PDE5A: variants seen among roughly 807,000 people sequenced by gnomAD.
The protein encoded by PDE5A is cGMP-specific 3',5'-cyclic phosphodiesterase.
A neutral mutation model predicts 110.2 loss-of-function variants in PDE5A; 67 were observed. The observed-to-expected ratio is 0.61, with a 90% CI of 0.50 to 0.75. The LOEUF (loss-of-function observed/expected upper bound fraction) is 0.75, where lower values mean the gene tolerates loss of function less well. PDE5A is among the 30% of genes least tolerant of loss of function. The probability of loss-of-function intolerance (pLI) is 0.00; values close to 1 mark genes in which losing one functional copy is unlikely to be tolerated. For missense variants in PDE5A, 862 were observed against 1,045.1 expected, an observed-to-expected ratio of 0.82 and a Z score of 2.42; for synonymous variants, 328 against 351.2, an observed-to-expected ratio of 0.93 and a Z score of 0.74.
At chr4:119,593,911 C>T (rs1226575979) in intron 3 of PDE5A, among the ~76,000 whole-genome samples, 1 of 151,990 alleles carries the variant, frequency 6.6e-6, no homozygotes, top group Non-Finnish European at 1.5e-5. Flanking sequence ...GGTGTGAGTA[C>T]AAGTAGGGGA....
intron 3 of PDE5A, among the ~76,000 whole-genome samples, chr4:119,580,944 G>A (rs1728566896): frequency 6.6e-6 from 1 of 152,196 alleles, no homozygotes; most frequent in Admixed American, 6.5e-5. Context: ...ATTTAATAAT[G>A]AAGATTTATT....
intron 6 of PDE5A, among the ~76,000 whole-genome samples, chr4:119,561,311 G>T (rs527414689): frequency 6.6e-6 from 1 of 152,064 alleles, no homozygotes; most frequent in African/African-American, 2.4e-5. Flanking sequence ...TCATGTTGTT[G>T]ATGTACTTTT....
intron 10 of PDE5A, among the ~76,000 whole-genome samples, chr4:119,539,815 C>T (rs1726861114): frequency 6.6e-6 from 1 of 152,058 alleles, no homozygotes; most frequent in Non-Finnish European, 1.5e-5. Context: ...GTTGAGCATC[C>T]CAAACCTAAA....
chr4:119,552,592 G>A lies in PDE5A; in HGVS notation c.1354C>T (p.Leu452Phe). Residue 452 changes from leucine (L) to phenylalanine (F), a missense_variant, in exon 9 of 21, where the codon CTT becomes TTT. By Grantham distance (22) the Leu-to-Phe change is conservative. Transcript: ENST00000354960. ...TTTCCATTTTTTATAGGTGTACAAAGCAAACTTCTAATGCACTGCTGGTTT... is the reference window on the plus strand; with the variant it reads ...TTTCCATTTTTTATAGGTGTACAAAACAAACTTCTAATGCACTGCTGGTTT... ...NVNQQCIRSLLCTPIKNGKKN... is the reference protein window; with the variant it reads ...NVNQQCIRSLFCTPIKNGKKN... 6.5e-7 allele frequency: 1 copy of A among 1,549,906 alleles called. No homozygotes were observed. The highest frequency in any genetic ancestry group is 8.7e-7 in the Non-Finnish European group (1 of 1,147,978).
intron 1 of PDE5A, among the ~76,000 whole-genome samples, chr4:119,611,397 C>G (rs1729737718): frequency 6.6e-6 from 1 of 152,170 alleles, no homozygotes; most frequent in Admixed American, 6.5e-5. Flanking sequence ...ATAAATGAAG[C>G]CTCCTGAAGC....
intron 3 of PDE5A, among the ~76,000 whole-genome samples, chr4:119,589,437 G>A (rs1449800569): frequency 6.6e-6 from 1 of 151,170 alleles, no homozygotes; most frequent in Non-Finnish European, 1.5e-5. Context: ...CTGAGCTAGG[G>A]GGAAAGATCT....
intron 9 of PDE5A, among the ~76,000 whole-genome samples, chr4:119,551,380 CA>C (rs1727349480): frequency 6.6e-6 from 1 of 152,132 alleles, no homozygotes; most frequent in Non-Finnish European, 1.5e-5. Context: ...AGAAAGTAAT[CA>C]GTACAAGTTG....
intron 16 of PDE5A, 144 bp downstream of exon 16, chr4:119,507,460 A>T (rs374491277): frequency 1.8e-6 from 1 of 565,832 alleles, no homozygotes; most frequent in African/African-American, 2.0e-5. Context: ...TTTTCTGGCT[A>T]CCCTTTCAGA....
rs1473084028 is a variant in PDE5A, at chr4:119,553,862, C to T, written c.1200-116G>A. On this transcript the variant is annotated intron_variant, in intron 7 of 20. Coordinates refer to ENST00000354960, the MANE Select transcript of PDE5A (RefSeq NM_001083.4). Reference sequence around the variant, plus strand: ...AGCCTTAAATTATAAGGCATATATACTTATTTGGAAAATGTAGCTTTAAAT... The same window carrying T: ...AGCCTTAAATTATAAGGCATATATATTTATTTGGAAAATGTAGCTTTAAAT... 4.3e-5 allele frequency: 26 copies of T among 602,708 alleles called. No homozygotes were observed. In the East Asian group the frequency reaches 7.4e-4, roughly 17 times the overall value. The allele number at this position is 602,708 out of a possible 1,614,324, so 37.3% of individuals were successfully genotyped here.
chr4:119,521,379 T>C (rs1213320200), intron 12 of PDE5A, among the ~76,000 whole-genome samples: 1 of 151,784 alleles, frequency 6.6e-6, no homozygotes, highest in African/African-American at 2.4e-5. Context: ...AGGTTTTTTT[T>C]TTTTTTAATA....
chr4:119,607,176 T>C lies in PDE5A; in HGVS notation c.274A>G (p.Ser92Gly), dbSNP rs770491205. 2 of 1,614,134 alleles carry C rather than the reference T, an allele frequency of 1.2e-6. No individual in the cohort carries two copies. Among genetic ancestry groups the C allele is most frequent in the Non-Finnish European group, 1.7e-6 (2 of 1,179,992 alleles). The stretch of plus-strand genomic sequence containing the variant: ...TTCCTGGTTGGTGTTCCAGGGGCAC[T>C]GTTATCTGCACGAGGACTCTGCTGC... ...PLQQSPRADN[S>G]APGTPTRKIS... The change falls in exon 2 of 21, where the codon AGT (serine) becomes GGT (glycine). Residue 92 changes from serine (S) to glycine (G), a missense_variant. By Grantham distance (56) the Ser-to-Gly change is moderately conservative. Coordinates refer to ENST00000354960, the MANE Select transcript of PDE5A (RefSeq NM_001083.4).
intron 15 of PDE5A, among the ~76,000 whole-genome samples, chr4:119,508,198 A>C (rs970461439): frequency 6.6e-6 from 1 of 151,998 alleles, no homozygotes; most frequent in Non-Finnish European, 1.5e-5. Flanking sequence ...GAACATCTTA[A>C]TATAGATGGG....
rs1306514082 is a variant in PDE5A at position 119,525,715 on chromosome 4, A to G, written c.1633-20T>C. ...AGCAGCCTTGGGTAAGGAAAGAAGA[A>G]AAAAAAAAATGCTGTTAATTAAAGC... On this transcript the variant is annotated intron_variant, in intron 11 of 20. Transcript: ENST00000354960. The surrounding 1 kb of genome is among the most constrained non-coding windows in gnomAD (Gnocchi z 4.3). 9.5e-6 allele frequency: 13 copies of G among 1,362,158 alleles called. No individual in the cohort carries two copies. The highest frequency in any genetic ancestry group is 1.3e-5 in the Non-Finnish European group (13 of 1,039,056). The allele number at this position is 1,362,158 out of a possible 1,614,324, so 84.4% of individuals were successfully genotyped here. A position where few individuals can be genotyped will look rare whatever the true frequency, so the allele number is the denominator to read the frequency against.
chr4:119,579,477 G>T (rs1208603980), intron 3 of PDE5A, among the ~76,000 whole-genome samples: 2 of 151,988 alleles, frequency 1.3e-5, no homozygotes, highest in African/African-American at 4.8e-5. Flanking sequence ...AAGAAAATGT[G>T]GCACATATAC....
At chr4:119,611,576 G>A (rs1259184409) in intron 1 of PDE5A, among the ~76,000 whole-genome samples, 2 of 152,190 alleles carry the variant, frequency 1.3e-5, no homozygotes. Context: ...TGCAGCATAT[G>A]TCTTAAGCAG....
rs1727976082 is a variant in PDE5A at position 119,567,280 on chromosome 4, CT to C, written c.832-137del. On this transcript the variant is annotated intron_variant, in intron 3 of 20. Coordinates refer to ENST00000354960, the MANE Select transcript of PDE5A (RefSeq NM_001083.4). ...AGTCTACAAAACAAAAGCAAAACCC[CT>C]CATCAGCATTTGAGCAAGCTTTACA... is the stretch of plus-strand genomic sequence containing the variant. 4 of 609,572 alleles carry C rather than the reference CT, an allele frequency of 6.6e-6. No individual in the cohort carries two copies. In the East Asian group the frequency reaches 8.3e-5, roughly 13 times the overall value. 37.8% of individuals were successfully genotyped at this position (609,572 alleles called of 1,614,324 possible).
intron 16 of PDE5A, among the ~76,000 whole-genome samples, chr4:119,506,981 G>A (rs1050572135): frequency 5.9e-5 from 9 of 151,944 alleles, no homozygotes; most frequent in African/African-American, 1.9e-4. Flanking sequence ...CCACACATGC[G>A]TCAAAGATCT....
At chr4:119,499,951 A>G (rs184376677) in intron 20 of PDE5A, 6 of 148,808 alleles carry the variant, frequency 4.0e-5, no homozygotes, top group Admixed American at 1.3e-4. Flanking sequence ...AGATTCAAAT[A>G]AAATGAATCC....
At chr4:119,575,471 G>A (rs1427702615) in intron 3 of PDE5A, among the ~76,000 whole-genome samples, 1 of 152,214 alleles carries the variant, frequency 6.6e-6, no homozygotes, top group Non-Finnish European at 1.5e-5. Context: ...AAGCCCCTCA[G>A]ACTAACAGCT....
Sources: allele counts gnomAD v4.1 joint callset (sites outside exome capture counted in the v4.1 genomes callset), GRCh38; gene constraint gnomAD v4.1.1; non-coding constraint Gnocchi (gnomAD v3.1); transcripts MANE v1.5; gene names NCBI Gene and HGNC (gene_info 2026-07-23, HGNC 2026-07-21).